The following FGD5 variants were observed in gnomAD, a reference collection of about 807,000 sequenced individuals.
The protein encoded by FGD5 is FYVE, RhoGEF and PH domain-containing protein 5.
FGD5 carries 28 observed loss-of-function variants against 133.4 expected under a neutral mutation model. That is an observed-to-expected ratio of 0.21 (90% CI 0.16 to 0.29). The LOEUF is 0.29. FGD5 is among the 10% of genes least tolerant of loss of function. FGD5 has a pLI of 1.00. For synonymous variants in FGD5, 810 were observed against 776.5 expected (o/e 1.04, Z -0.72); for missense variants, 1,858 against 1,895.2 (o/e 0.98, Z 0.36).
chr3:14,845,721 C>T (rs1575204401), intron 1 of FGD5, among the ~76,000 whole-genome samples: 2 of 152,172 alleles, frequency 1.3e-5, no homozygotes, highest in East Asian at 1.9e-4. Context: ...AGTCATCCCC[C>T]CACAGGTCTA....
intron 10 of FGD5, among the ~76,000 whole-genome samples, chr3:14,908,948 T>TCA (rs200225314): frequency 0.028 from 4,277 of 151,426 alleles, 208 homozygotes; most frequent in East Asian, 0.21. Context: ...ATTTATTTAT[T>TCA]TATTCATTCA....
At chr3:14,925,596 C>A (rs562882811) in intron 17 of FGD5, among the ~76,000 whole-genome samples, 2 of 152,276 alleles carry the variant, frequency 1.3e-5, no homozygotes, top group East Asian at 3.9e-4. Context: ...CCCGCCACCA[C>A]AAAGAGTAGT....
In FGD5 at chr3:14,917,170, C is replaced by A; in HGVS notation, c.3406-79C>A. 7.5e-7 allele frequency: 1 copy of A among 1,332,044 alleles called. No individual in the cohort carries two copies. Among genetic ancestry groups the A allele is most frequent in the Non-Finnish European group, 1.0e-6 (1 of 952,612 alleles). 82.5% of individuals were successfully genotyped at this position (1,332,044 alleles called of 1,614,324 possible). ...TACAAGATGCCTGTGCACAGCGGAG[C>A]TCAGGGATCCTTTGAGGACAGAAGC... On this transcript the variant is annotated intron_variant, in intron 11 of 19. Coordinates refer to ENST00000285046, the MANE Select transcript of FGD5 (RefSeq NM_152536.4). This position sits in a 1 kb window ranked among gnomAD's most constrained non-coding sequence, Gnocchi z 4.1.
chr3:14,838,316 G>A (rs2036856369), intron 1 of FGD5, among the ~76,000 whole-genome samples: 1 of 152,204 alleles, frequency 6.6e-6, no homozygotes, highest in African/African-American at 2.4e-5. Flanking sequence ...TGTGTGATTA[G>A]ATTGGGCCCA....
chr3:14,825,478 T>C (rs1474432685), intron 1 of FGD5, among the ~76,000 whole-genome samples: 1 of 151,916 alleles, frequency 6.6e-6, no homozygotes, highest in Non-Finnish European at 1.5e-5. Context: ...TATATATATA[T>C]GTACACACGC....
intron 2 of FGD5, among the ~76,000 whole-genome samples, chr3:14,878,627 C>G (rs2037765728): frequency 6.6e-6 from 1 of 152,152 alleles, no homozygotes; most frequent in East Asian, 1.9e-4. Context: ...CCTACTGTGC[C>G]CATTTCACAG....
At position 14,819,929 on chromosome 3, in the gene FGD5, A is replaced by G. The variant is rs1423846695; in HGVS notation, c.858A>G (p.Thr286=). The change falls in exon 1 of 20, where the codon ACA becomes ACG. Residue 286 remains threonine, a synonymous_variant. Transcript: ENST00000285046. The surrounding 1 kb of genome is among the most constrained non-coding windows in gnomAD (Gnocchi z 4.1). ...GATGTGAAGAGGCCACGGGTGTCACAGGTGGGGAACAGGTTGACCTCAGTG... is the reference window on the plus strand; with the variant it reads ...GATGTGAAGAGGCCACGGGTGTCACGGGTGGGGAACAGGTTGACCTCAGTG... ...EEGCEEATGV[T]GGEQVDLSEP... 1 of 1,613,822 alleles carries G rather than the reference A, an allele frequency of 6.2e-7. No homozygotes were observed. Among genetic ancestry groups the G allele is most frequent in the Non-Finnish European group, 8.5e-7 (1 of 1,179,886 alleles).
Position 14,917,692 on chromosome 3 carries a change from A to G in FGD5, c.3489+360A>G, listed in dbSNP as rs1463345941. On this transcript the variant is annotated intron_variant, in intron 12 of 19. Transcript: ENST00000285046. The surrounding 1 kb of genome is among the most constrained non-coding windows in gnomAD (Gnocchi z 4.1). ...GTGATAAAATACACATATCATTTTAAAAGTAACCATTTTTAAATGTACAGT... is the reference window on the plus strand; with the variant it reads ...GTGATAAAATACACATATCATTTTAGAAGTAACCATTTTTAAATGTACAGT... Among the ~76,000 whole-genome samples the G allele has an allele frequency of 1.3e-5, 2 of 152,194 alleles. No homozygotes were observed. The highest frequency in any genetic ancestry group is 2.9e-5 in the Non-Finnish European group (2 of 68,034).
At chr3:14,860,251 G>A (rs559845714) in intron 1 of FGD5, among the ~76,000 whole-genome samples, 2 of 152,302 alleles carry the variant, frequency 1.3e-5, no homozygotes, top group Non-Finnish European at 2.9e-5. Context: ...TGGCCCAATG[G>A]CCCCATCAAT....
At chr3:14,871,328 T>C (rs1416947850) in intron 2 of FGD5, among the ~76,000 whole-genome samples, 2 of 152,174 alleles carry the variant, frequency 1.3e-5, no homozygotes, top group African/African-American at 4.8e-5. Flanking sequence ...TTCAAATAAG[T>C]TAATAAACAA....
intron 9 of FGD5, 88 bp downstream of exon 9, chr3:14,901,149 C>G: frequency 7.3e-7 from 1 of 1,368,964 alleles, no homozygotes; most frequent in Non-Finnish European, 1.0e-6. Flanking sequence ...TGCCCCACTC[C>G]TAGGGGCTGC....
intron 18 of FGD5, among the ~76,000 whole-genome samples, chr3:14,927,952 T>A (rs1406112311): frequency 1.3e-5 from 2 of 150,972 alleles, no homozygotes; most frequent in Non-Finnish European, 3.0e-5. Flanking sequence ...TTTTTTAATT[T>A]TTTTTTTTGA....
intron 1 of FGD5, among the ~76,000 whole-genome samples, chr3:14,851,924 T>TA (rs60893439): frequency 0.51 from 74,570 of 146,578 alleles, 18,768 homozygotes; most frequent in African/African-American, 0.55. Flanking sequence ...ATGGCTAAGA[T>TA]AAAAAAAAAA....
At chr3:14,814,740 G>A (rs183607279), upstream of FGD5, among the ~76,000 whole-genome samples, 4 of 152,266 alleles carry the variant, frequency 2.6e-5, no homozygotes, top group African/African-American at 9.6e-5. Flanking sequence ...CTCCACCAGG[G>A]TGTGTAGTAG....
At chr3:14,901,135 C>T in intron 9 of FGD5, 74 bp downstream of exon 9, 1 of 1,490,800 alleles carries the variant, frequency 6.7e-7, no homozygotes, top group Non-Finnish European at 9.4e-7. Flanking sequence ...GGTCAGCCTT[C>T]TGATGCCCCA....
chr3:14,922,127 G>C lies in FGD5; in HGVS notation c.3669+110G>C, dbSNP rs2038694535. ...CAGATGGACGTGTAGCTCCTGTCTTGGGGCACTGGCTCCCCCCACACCCCT... is the reference window on the plus strand; with the variant it reads ...CAGATGGACGTGTAGCTCCTGTCTTCGGGCACTGGCTCCCCCCACACCCCT... On this transcript the variant is annotated intron_variant, in intron 14 of 19. Coordinates refer to ENST00000285046, the MANE Select transcript of FGD5 (RefSeq NM_152536.4). The surrounding 1 kb of genome is among the most constrained non-coding windows in gnomAD (Gnocchi z 4.1). 3.3e-6 allele frequency: 4 copies of C among 1,226,546 alleles called. No individual in the cohort carries two copies. Among genetic ancestry groups the C allele is most frequent in the Non-Finnish European group, 4.6e-6 (4 of 866,100 alleles). 76.0% of individuals were successfully genotyped at this position (1,226,546 alleles called of 1,614,324 possible).
intron 4 of FGD5, among the ~76,000 whole-genome samples, chr3:14,894,907 CAG>C (rs754322635): frequency 2.4e-3 from 210 of 87,626 alleles, no homozygotes; most frequent in Middle Eastern, 4.9e-3. Flanking sequence ...GCCATTTTAA[CAG>C]GGGTGAGATG....
At chr3:14,829,189 G>A (rs17040337) in intron 1 of FGD5, among the ~76,000 whole-genome samples, 2,297 of 152,258 alleles carry the variant, frequency 0.015, 69 homozygotes, top group African/African-American at 0.052. Flanking sequence ...AAGGATCTTG[G>A]AGTGTTCAGC....
intron 17 of FGD5, among the ~76,000 whole-genome samples, chr3:14,924,460 G>A (rs138532862): frequency 1.3e-5 from 2 of 152,240 alleles, no homozygotes; most frequent in East Asian, 1.9e-4. Context: ...CCAAATTCCT[G>A]TGTTGGTCCT....
Sources: gnomAD v4.1 joint callset for allele counts (sites outside exome capture counted in the v4.1 genomes callset) on GRCh38, gnomAD v4.1.1 for gene constraint, Gnocchi (gnomAD v3.1) non-coding constraint, MANE v1.5 for transcripts, NCBI Gene and HGNC (gene_info 2026-07-23, HGNC 2026-07-21) for gene names.